CALCR: variants seen among roughly 807,000 people sequenced by gnomAD.
CALCR encodes calcitonin receptor.
In CALCR, 47 loss-of-function variants were observed where a neutral mutation model predicts 59.5. The ratio of observed to expected loss-of-function variants is 0.79; its 90% CI spans 0.63 to 1.01. The LOEUF (loss-of-function observed/expected upper bound fraction) is 1.01. CALCR is among the 50% of genes least tolerant of loss of function. The pLI, the probability that CALCR is intolerant of heterozygous loss-of-function variation, is 0.00. For synonymous variants in CALCR, 213 were observed against 211.3 expected (o/e 1.01, Z -0.07); for missense variants, 566 against 597.1 (o/e 0.95, Z 0.54).
rs566145927 is a variant in CALCR at position 93,424,929 on chromosome 7, A to T, written c.*1427T>A. ...CTAAATATGTAACCATAACAAATCA[A>T]TTTATTATCTTTCCACAACTAAATC... is the stretch of plus-strand genomic sequence containing the variant. On this transcript the variant is annotated 3_prime_UTR_variant, in exon 14 of 14. Transcript: ENST00000426151. 6.5e-6 allele frequency: 1 copy of T among 152,724 alleles called. No individual in the cohort carries two copies. Among genetic ancestry groups the T allele is most frequent in the East Asian group, 1.9e-4 (1 of 5,186 alleles). The allele number at this position is 152,724 out of a possible 1,614,324, so 9.5% of individuals were successfully genotyped here. A position where few individuals can be genotyped will look rare whatever the true frequency, so the allele number is the denominator to read the frequency against.
rs574459831 is a variant in CALCR at position 93,522,079 on chromosome 7, T to G, written c.-26-35072A>C. Among the ~76,000 whole-genome samples the G allele has an allele frequency of 3.9e-5, 6 of 152,278 alleles. No individual in the cohort carries two copies. The South Asian group carries it at 1.2e-3, about 32-fold the overall frequency. ...GTATGTAAATGAAACAATTTGTGTA[T>G]GTTTGCATGAGTGTCTGAGCGGGGA... On this transcript the variant is annotated intron_variant, in intron 2 of 13. Coordinates refer to ENST00000426151, the MANE Select transcript of CALCR (RefSeq NM_001742.4).
intron 11 of CALCR, 75 bp from the exon 12 acceptor site, chr7:93,436,245 G>T: frequency 2.5e-6 from 3 of 1,220,288 alleles, no homozygotes; most frequent in Non-Finnish European, 3.6e-6. Context: ...CTCAATTCTT[G>T]TTTATCCAGT....
chr7:93,528,117 T>C (rs1226290197), intron 2 of CALCR, among the ~76,000 whole-genome samples: 1 of 152,162 alleles, frequency 6.6e-6, no homozygotes, highest in African/African-American at 2.4e-5. Flanking sequence ...AAAAGGTAAG[T>C]GCATGTTTAA....
At chr7:93,567,526 A>G (rs1221207178) in intron 2 of CALCR, among the ~76,000 whole-genome samples, 2 of 151,388 alleles carry the variant, frequency 1.3e-5, no homozygotes, top group African/African-American at 4.9e-5. Flanking sequence ...TGAAAAATTT[A>G]TCTATGCAAA....
intron 2 of CALCR, among the ~76,000 whole-genome samples, chr7:93,555,523 A>AAAC (rs530208892): frequency 9.2e-5 from 14 of 152,216 alleles, no homozygotes; most frequent in South Asian, 2.1e-4. Flanking sequence ...ATGGAGAAGG[A>AAAC]AACAACAACA....
At chr7:93,568,420 G>C (rs9641123) in intron 2 of CALCR, among the ~76,000 whole-genome samples, 45,293 of 151,640 alleles carry the variant, frequency 0.3, 8,180 homozygotes, top group Non-Finnish European at 0.41. Context: ...AAATGCAATT[G>C]CGAGCTCTCA....
rs150062571 is a variant in CALCR, at chr7:93,492,258, G to A, written c.-26-5251C>T. 2.0e-3 allele frequency among the ~76,000 whole-genome samples: 296 copies of A among 151,274 alleles called. 4 individuals are homozygous for A. Among genetic ancestry groups the A allele is most frequent in the African/African-American group, 6.7e-3 (276 of 41,358 alleles). ...CAAGGCCTGTTGGTGGGAGGGGTGC[G>A]AAGGGAGGAAACTTAGAGGACAGGT... On this transcript the variant is annotated intron_variant, in intron 2 of 13. Transcript: ENST00000426151.
chr7:93,495,630 T>C (rs960018978), intron 2 of CALCR, among the ~76,000 whole-genome samples: 2 of 151,374 alleles, frequency 1.3e-5, no homozygotes, highest in South Asian at 2.1e-4. Context: ...CCTCCTTGAA[T>C]AGGAGAAGTA....
At chr7:93,436,691 G>C (rs1365937784) in intron 11 of CALCR, among the ~76,000 whole-genome samples, 1 of 151,950 alleles carries the variant, frequency 6.6e-6, no homozygotes, top group Non-Finnish European at 1.5e-5. Flanking sequence ...AAATCTTTCT[G>C]TATCTGAAGC....
chr7:93,441,856 C>T (rs1799913856), intron 9 of CALCR, among the ~76,000 whole-genome samples: 1 of 152,162 alleles, frequency 6.6e-6, no homozygotes, highest in Non-Finnish European at 1.5e-5. Flanking sequence ...TATGTGACAA[C>T]ATCCCCCTCA....
At chr7:93,473,727 T>C (rs1309456128) in intron 5 of CALCR, among the ~76,000 whole-genome samples, 2 of 151,576 alleles carry the variant, frequency 1.3e-5, no homozygotes, top group Non-Finnish European at 1.5e-5. Flanking sequence ...TAAAATATTT[T>C]GGAGGAAAAG....
At chr7:93,499,002 C>T (rs1801267718) in intron 2 of CALCR, among the ~76,000 whole-genome samples, 1 of 151,584 alleles carries the variant, frequency 6.6e-6, no homozygotes, top group Non-Finnish European at 1.5e-5. Flanking sequence ...ACTTCAAACT[C>T]ACCACATGAC....
rs560464100 is a variant in CALCR, at chr7:93,510,953, C to G, written c.-26-23946G>C. On this transcript the variant is annotated intron_variant, in intron 2 of 13. Transcript: ENST00000426151. Reference sequence around the variant, plus strand: ...AGAATGGGTTGGGGAAGAGCAAGCCCGGAAGCAAAGCTAGTTAGGGAATGG... The same window carrying G: ...AGAATGGGTTGGGGAAGAGCAAGCCGGGAAGCAAAGCTAGTTAGGGAATGG... 9.2e-5 allele frequency among the ~76,000 whole-genome samples: 14 copies of G among 151,912 alleles called. 1 individual carries two copies. The South Asian group carries it at 2.9e-3, about 32-fold the overall frequency.
chr7:93,528,527 G>A (rs1479644632), intron 2 of CALCR, among the ~76,000 whole-genome samples: 1 of 151,992 alleles, frequency 6.6e-6, no homozygotes, highest in Non-Finnish European at 1.5e-5. Context: ...AACATGCCGT[G>A]TTTGGTTTTT....
At chr7:93,572,357 G>T (rs1287696741) in intron 2 of CALCR, among the ~76,000 whole-genome samples, 1 of 152,046 alleles carries the variant, frequency 6.6e-6, no homozygotes, top group Non-Finnish European at 1.5e-5. Flanking sequence ...AATCCTGGTT[G>T]CATATTACAA....
chr7:93,548,573 C>A (rs1789357959), intron 2 of CALCR, among the ~76,000 whole-genome samples: 3 of 150,066 alleles, frequency 2.0e-5, no homozygotes, highest in Admixed American at 1.3e-4. Flanking sequence ...TCAGAAAAAA[C>A]AAAATTATGA....
At chr7:93,460,562 A>ATATATATATATATATATATATAT (rs1305307735) in intron 8 of CALCR, among the ~76,000 whole-genome samples, 1 of 85,818 alleles carries the variant, frequency 1.2e-5, no homozygotes, top group African/African-American at 9.2e-5. Flanking sequence ...TCTAAAAAAA[A>ATATATATATATATATATATATAT]AAAAAAAAAA....
At chr7:93,463,021 G>A (rs1170438789) in intron 7 of CALCR, among the ~76,000 whole-genome samples, 1 of 151,716 alleles carries the variant, frequency 6.6e-6, no homozygotes, top group African/African-American at 2.4e-5. Context: ...ATTTAAAAAT[G>A]TATTTAAGAA....
intron 2 of CALCR, among the ~76,000 whole-genome samples, chr7:93,526,322 C>T (rs977052825): frequency 2.0e-5 from 3 of 151,978 alleles, no homozygotes; most frequent in Non-Finnish European, 4.4e-5. Context: ...TTTATCTTAC[C>T]AATACATCAC....
Sources: allele counts gnomAD v4.1 joint callset (sites outside exome capture counted in the v4.1 genomes callset), GRCh38; gene constraint gnomAD v4.1.1; transcripts MANE v1.5; gene names NCBI Gene and HGNC (gene_info 2026-07-23, HGNC 2026-07-21).